Variants in MFSD6 observed in about 807,000 individuals in gnomAD.
The protein encoded by MFSD6 is major facilitator superfamily domain-containing protein 6.
A neutral mutation model predicts 56.3 loss-of-function variants in MFSD6; 26 were observed. That is an observed-to-expected ratio of 0.46 (90% CI 0.34 to 0.64). The LOEUF (loss-of-function observed/expected upper bound fraction) is 0.64. Among genes scored for constraint, MFSD6 ranks in the 30% least tolerant of loss-of-function variants. The pLI, the probability that MFSD6 is intolerant of heterozygous loss-of-function variation, is 0.01. For missense variants in MFSD6, 750 were observed against 986.2 expected (o/e 0.76, Z 3.21); for synonymous variants, 331 against 366.9 (o/e 0.90, Z 1.12).
rs1688963012 is a variant in MFSD6, at chr2:190,485,553, G to A, written c.1631-3104G>A. On this transcript the variant is annotated intron_variant, in intron 4 of 7. Coordinates refer to ENST00000392328, the MANE Select transcript of MFSD6 (RefSeq NM_017694.4). The surrounding 1 kb of genome is among the most constrained non-coding windows in gnomAD (Gnocchi z 5.1). ...CAGTGTGGTTAATGAAAAAAAATCT[G>A]CATATGTGAAAAGAAATGGACTTAG... is the stretch of plus-strand genomic sequence containing the variant. 1.3e-5 allele frequency among the ~76,000 whole-genome samples: 2 copies of A among 151,980 alleles called. No homozygotes were observed. The highest frequency in any genetic ancestry group is 2.9e-5 in the Non-Finnish European group (2 of 67,976).
Position 190,418,007 on chromosome 2 carries a change from A to T in MFSD6, c.-54+2594A>T, listed in dbSNP as rs201238969. ...GTGTGTGTGTGTGTGTGTGTATGTG[A>T]GAGAGAGAGAGATGTGGTTTATCAT... On this transcript the variant is annotated intron_variant, in intron 2 of 7. Transcript: ENST00000392328. This position sits in a 1 kb window ranked among gnomAD's most constrained non-coding sequence, Gnocchi z 4.1. Among the ~76,000 whole-genome samples, 561 of 112,116 alleles carry T rather than the reference A, an allele frequency of 5.0e-3. 2 individuals are homozygous for T. The highest frequency in any genetic ancestry group is 0.02 in the Middle Eastern group (4 of 202). The allele number at this position is 112,116 out of a possible 152,430, so 73.6% of individuals were successfully genotyped here.
chr2:190,410,022 T>A lies in MFSD6; in HGVS notation c.-176+1519T>A, dbSNP rs147083621. ...ACTAAGTAGTTGTGTGTCCTTCATG[T>A]TTACAGCAGTTTATTTCTAAGGCAC... On this transcript the variant is annotated intron_variant, in intron 1 of 7. Coordinates refer to ENST00000392328, the MANE Select transcript of MFSD6 (RefSeq NM_017694.4). The surrounding 1 kb of genome is among the most constrained non-coding windows in gnomAD (Gnocchi z 4.4). Among the ~76,000 whole-genome samples, 1 of 152,294 alleles carries A rather than the reference T, an allele frequency of 6.6e-6. No homozygotes were observed. Among genetic ancestry groups the A allele is most frequent in the African/African-American group, 2.4e-5 (1 of 41,540 alleles).
Position 190,461,966 on chromosome 2 carries a change from T to C in MFSD6, c.1533-7792T>C, listed in dbSNP as rs1301555985. On this transcript the variant is annotated intron_variant, in intron 3 of 7. Transcript: ENST00000392328. This position sits in a 1 kb window ranked among gnomAD's most constrained non-coding sequence, Gnocchi z 5.5. ...CATGCCTAATTTGACAGTACTTTTT[T>C]CCCTACCACTTAAATCTTTATTATT... 2.0e-5 allele frequency among the ~76,000 whole-genome samples: 3 copies of C among 152,136 alleles called. No individual in the cohort carries two copies. Among genetic ancestry groups the C allele is most frequent in the Non-Finnish European group, 2.9e-5 (2 of 68,030 alleles).
In MFSD6 at chr2:190,459,871, G is replaced by A. The variant is rs1687231432; in HGVS notation, c.1533-9887G>A. Among the ~76,000 whole-genome samples the A allele has an allele frequency of 6.6e-6, 1 of 152,202 alleles. No homozygotes were observed. Among genetic ancestry groups the A allele is most frequent in the African/African-American group, 2.4e-5 (1 of 41,448 alleles). The stretch of plus-strand genomic sequence containing the variant: ...ATAGAAGGAAGTATTAGTAGCTGCA[G>A]AAAATATACACAGCTAAATATTATT... On this transcript the variant is annotated intron_variant, in intron 3 of 7. Coordinates refer to ENST00000392328, the MANE Select transcript of MFSD6 (RefSeq NM_017694.4). This position sits in a 1 kb window ranked among gnomAD's most constrained non-coding sequence, Gnocchi z 5.3.
Position 190,437,084 on chromosome 2 carries a change from A to C in MFSD6, c.1055A>C (p.Glu352Ala). ...VGIGIDYTHI[E>A]VLIDGKGCKP... ...ATCGGGATCGACTACACCCACATCG[A>C]AGTGCTCATCGATGGAAAGGGGTGT... The change falls in exon 3 of 8, where the codon GAA (glutamate) becomes GCA (alanine). Residue 352 changes from glutamate to alanine, a missense_variant. Transcript: ENST00000392328. The surrounding 1 kb of genome is among the most constrained non-coding windows in gnomAD (Gnocchi z 5.9). 6.2e-7 allele frequency: 1 copy of C among 1,614,164 alleles called. No individual in the cohort carries two copies. The highest frequency in any genetic ancestry group is 8.5e-7 in the Non-Finnish European group (1 of 1,180,018).
In MFSD6 at chr2:190,465,850, G is replaced by A. The variant is rs373915586; in HGVS notation, c.1533-3908G>A. On this transcript the variant is annotated intron_variant, in intron 3 of 7. Coordinates refer to ENST00000392328, the MANE Select transcript of MFSD6 (RefSeq NM_017694.4). This position sits in a 1 kb window ranked among gnomAD's most constrained non-coding sequence, Gnocchi z 4.6. ...TCTACTAAAAATACAAAAATTAGCC[G>A]GGCCTGGTAGCATGCACCTGTAATC... 6.6e-5 allele frequency among the ~76,000 whole-genome samples: 10 copies of A among 152,148 alleles called. No homozygotes were observed. The highest frequency in any genetic ancestry group is 5.8e-4 in the East Asian group (3 of 5,172).
chr2:190,468,684 CT>C (rs1255185179), intron 3 of MFSD6, among the ~76,000 whole-genome samples: 1 of 147,566 alleles, frequency 6.8e-6, no homozygotes, highest in Non-Finnish European at 1.5e-5. Context: ...GTCTTGAACT[CT>C]TGGGCGCAAG....
Position 190,467,816 on chromosome 2 carries a change from T to TTCA in MFSD6, c.1533-1940_1533-1938dup. Among the ~76,000 whole-genome samples the TTCA allele has an allele frequency of 6.6e-6, 1 of 152,212 alleles. No homozygotes were observed. Among genetic ancestry groups the TTCA allele is most frequent in the East Asian group, 1.9e-4 (1 of 5,198 alleles). ...ATTTTATGAAGTTTGCATTTCAGTG[T>TTCA]TCATAATTCAGCTCTTGTTGGAACA... On this transcript the variant is annotated intron_variant, in intron 3 of 7. Transcript: ENST00000392328. The surrounding 1 kb of genome is among the most constrained non-coding windows in gnomAD (Gnocchi z 5.5).
rs959598802 is a variant in MFSD6, at chr2:190,477,390, A to G, written c.1630+7535A>G. ...TATAAATAAAGATTTGTATACCTAC[A>G]GAAAAGAAATGACTATATATTATAA... On this transcript the variant is annotated intron_variant, in intron 4 of 7. Coordinates refer to ENST00000392328, the MANE Select transcript of MFSD6 (RefSeq NM_017694.4). The G allele has an allele frequency of 2.8e-5, 27 of 971,080 alleles. No homozygotes were observed. In the Middle Eastern group the frequency reaches 3.2e-3, roughly 115 times the overall value. The allele number at this position is 971,080 out of a possible 1,614,324, so 60.2% of individuals were successfully genotyped here.
At chr2:190,420,037 T>C (rs1685550667) in intron 2 of MFSD6, among the ~76,000 whole-genome samples, 1 of 140,068 alleles carries the variant, frequency 7.1e-6, no homozygotes, top group Non-Finnish European at 1.5e-5. Context: ...ATTTGAAATG[T>C]CTTCTTAACT....
In MFSD6 at chr2:190,471,834, A is replaced by AC. The variant is rs1244671770; in HGVS notation, c.1630+1985dup. 6.6e-6 allele frequency among the ~76,000 whole-genome samples: 1 copy of AC among 151,926 alleles called. No homozygotes were observed. The highest frequency in any genetic ancestry group is 2.4e-5 in the African/African-American group (1 of 41,354). ...CCCGCAAGTAGCCTAACTGGGAGGC[A>AC]CCCCCCAGTAGGGGCAGACTGATAA... On this transcript the variant is annotated intron_variant, in intron 4 of 7. Coordinates refer to ENST00000392328, the MANE Select transcript of MFSD6 (RefSeq NM_017694.4). This position sits in a 1 kb window ranked among gnomAD's most constrained non-coding sequence, Gnocchi z 4.7.
At chr2:190,422,662 A>G (rs935391357) in intron 2 of MFSD6, among the ~76,000 whole-genome samples, 1 of 152,158 alleles carries the variant, frequency 6.6e-6, no homozygotes, top group Non-Finnish European at 1.5e-5. Context: ...TTCTGAAACG[A>G]TGATGTGCTT....
intron 4 of MFSD6, among the ~76,000 whole-genome samples, chr2:190,478,934 T>C (rs1688503743): frequency 6.6e-6 from 1 of 152,028 alleles, no homozygotes; most frequent in Non-Finnish European, 1.5e-5. Flanking sequence ...ATCTAGAGGG[T>C]AGCTGAAAGG....
rs1479349448 is a variant in MFSD6, at chr2:190,465,317, T to C, written c.1533-4441T>C. The stretch of plus-strand genomic sequence containing the variant: ...CTGTTCTAAAATTGCCTTTGTTTCT[T>C]GTCTATTTTTATTACTACTGACTTC... On this transcript the variant is annotated intron_variant, in intron 3 of 7. Transcript: ENST00000392328. The surrounding 1 kb of genome is among the most constrained non-coding windows in gnomAD (Gnocchi z 4.6). Among the ~76,000 whole-genome samples the C allele has an allele frequency of 6.6e-6, 1 of 152,236 alleles. No individual in the cohort carries two copies. Among genetic ancestry groups the C allele is most frequent in the African/African-American group, 2.4e-5 (1 of 41,468 alleles).
rs1307901271 is a variant in MFSD6 at position 190,489,121 on chromosome 2, A to AAGGT, written c.1792+305_1792+308dup. The stretch of plus-strand genomic sequence containing the variant: ...AGCATGAGTGCTTTTGGTCTAAAAT[A>AAGGT]AGGTACCTTAAACCTGCTGATAATA... On this transcript the variant is annotated intron_variant, in intron 5 of 7. Coordinates refer to ENST00000392328, the MANE Select transcript of MFSD6 (RefSeq NM_017694.4). This position sits in a 1 kb window ranked among gnomAD's most constrained non-coding sequence, Gnocchi z 6.6. Among the ~76,000 whole-genome samples the AAGGT allele has an allele frequency of 6.6e-6, 1 of 152,224 alleles. No individual in the cohort carries two copies. Among genetic ancestry groups the AAGGT allele is most frequent in the Admixed American group, 6.5e-5 (1 of 15,290 alleles).
rs775332415 is a variant in MFSD6, at chr2:190,437,279, C to T, written c.1250C>T (p.Thr417Ile). 1.2e-6 allele frequency: 2 copies of T among 1,614,056 alleles called. No homozygotes were observed. The highest frequency in any genetic ancestry group is 1.1e-5 in the South Asian group (1 of 91,090). Reference protein sequence around the residue: ...EIPQVERNNSTESSEETPTTT... With the variant: ...EIPQVERNNSIESSEETPTTT... ...CCGCAGGTGGAAAGGAACAACTCTA[C>T]AGAGTCCTCTGAGGAGACACCAACC... The change falls in exon 3 of 8, where the codon ACA (threonine) becomes ATA (isoleucine). Residue 417 changes from threonine to isoleucine, a missense_variant. Physicochemically the swap from Thr to Ile is moderately conservative, Grantham distance 89 (BLOSUM62 -1). Transcript: ENST00000392328. This position sits in a 1 kb window ranked among gnomAD's most constrained non-coding sequence, Gnocchi z 5.9.
At position 190,456,760 on chromosome 2, in the gene MFSD6, C is replaced by T. The variant is rs951671585; in HGVS notation, c.1533-12998C>T. Among the ~76,000 whole-genome samples, 1 of 152,220 alleles carries T rather than the reference C, an allele frequency of 6.6e-6. No individual in the cohort carries two copies. The highest frequency in any genetic ancestry group is 6.5e-5 in the Admixed American group (1 of 15,282). On this transcript the variant is annotated intron_variant, in intron 3 of 7. Transcript: ENST00000392328. The surrounding 1 kb of genome is among the most constrained non-coding windows in gnomAD (Gnocchi z 5.4). The stretch of plus-strand genomic sequence containing the variant: ...GTAAGAGGTGGAAACCTTGGCTCAC[C>T]CCTCGTCCTGCCTCAGCATCGATAC...
chr2:190,473,385 G>A (rs1271292650), intron 4 of MFSD6, among the ~76,000 whole-genome samples: 1 of 152,168 alleles, frequency 6.6e-6, no homozygotes, highest in Non-Finnish European at 1.5e-5. Flanking sequence ...TAAAGGGATG[G>A]AGGAAGATCT....
At chr2:190,455,065 G>T (rs1426890573) in intron 3 of MFSD6, among the ~76,000 whole-genome samples, 1 of 152,012 alleles carries the variant, frequency 6.6e-6, no homozygotes, top group East Asian at 1.9e-4. Flanking sequence ...GAAAGGAACA[G>T]ATTTGCTTTT....
Sources: gnomAD v4.1 joint callset for allele counts (sites outside exome capture counted in the v4.1 genomes callset) on GRCh38, gnomAD v4.1.1 for gene constraint, Gnocchi (gnomAD v3.1) non-coding constraint, MANE v1.5 for transcripts, NCBI Gene and HGNC (gene_info 2026-07-23, HGNC 2026-07-21) for gene names.